The following AHDC1 variants were observed in gnomAD, a reference collection of about 807,000 sequenced individuals.
AHDC1 encodes the protein transcription factor Gibbin.
Under a neutral mutation model 87.9 loss-of-function variants are expected in AHDC1, and 7 were observed. That is an observed-to-expected ratio of 0.08 (90% CI 0.05 to 0.15). The LOEUF (loss-of-function observed/expected upper bound fraction) is 0.15. Among genes scored for constraint, AHDC1 ranks in the 10% least tolerant of loss-of-function variants. AHDC1 has a pLI of 1.00. For synonymous variants in AHDC1, 1,051 were observed against 1,006.8 expected (o/e 1.04, Z -0.83); for missense variants, 1,841 against 2,253.2 (o/e 0.82, Z 3.70).
At chr1:27,553,854 C>T (rs887775104) in intron 5 of AHDC1, among the ~76,000 whole-genome samples, 3 of 152,184 alleles carry the variant, frequency 2.0e-5, no homozygotes, top group Middle Eastern at 3.4e-3. Flanking sequence ...TCGCTTGAGT[C>T]CAGGAGTTCG....
chr1:27,567,940 G>A (rs2020395484), intron 3 of AHDC1: 1 of 152,240 alleles, frequency 6.6e-6, no homozygotes. Flanking sequence ...GCAAGTCTCC[G>A]TGCAACTCCC....
rs548839410 is a variant in AHDC1 at position 27,593,517 on chromosome 1, T to C, written c.-629+9880A>G. 6.6e-6 allele frequency among the ~76,000 whole-genome samples: 1 copy of C among 152,182 alleles called. No individual in the cohort carries two copies. Among genetic ancestry groups the C allele is most frequent in the South Asian group, 2.1e-4 (1 of 4,826 alleles). The stretch of plus-strand genomic sequence containing the variant: ...CCTCAGAACCCTAAGACCCAGGCCC[T>C]GGCCCATTCCCTCTGGCCCTTGGTG... On this transcript the variant is annotated intron_variant, in intron 3 of 8. Transcript: ENST00000673934. This position sits in a 1 kb window ranked among gnomAD's most constrained non-coding sequence, Gnocchi z 4.9.
rs756494255 is a variant in AHDC1 at position 27,551,875 on chromosome 1, C to G, written c.241G>C (p.Asp81His). The G allele has an allele frequency of 2.5e-6, 4 of 1,608,194 alleles. No individual in the cohort carries two copies. Among genetic ancestry groups the G allele is most frequent in the East Asian group, 2.2e-5 (1 of 44,754 alleles). ...GCTGCCCGTGGGGGCAGCGGGTCGTCCCCCTTGGCAAGGACTGGTGGGCGC... is the reference window on the plus strand; with the variant it reads ...GCTGCCCGTGGGGGCAGCGGGTCGTGCCCCTTGGCAAGGACTGGTGGGCGC... ...TRRPPVLAKG[D>H]DPLPPRAARP... The change falls in exon 8 of 9, where the codon GAC becomes CAC. Residue 81 changes from aspartate to histidine, a missense_variant. Transcript: ENST00000673934.
Position 27,576,515 on chromosome 1 carries a change from CCT to C in AHDC1, c.-628-17634_-628-17633del, listed in dbSNP as rs891054687. 2.0e-5 allele frequency among the ~76,000 whole-genome samples: 3 copies of C among 152,310 alleles called. No individual in the cohort carries two copies. The South Asian group carries it at 6.2e-4, about 32-fold the overall frequency. ...CTCCATAAAGTAGGTAATATTATCCCCTTTTTGTTAATGAGAAAGCTGAAGTT... is the reference window on the plus strand; with the variant it reads ...CTCCATAAAGTAGGTAATATTATCCCTTTTGTTAATGAGAAAGCTGAAGTT... On this transcript the variant is annotated intron_variant, in intron 3 of 8. Coordinates refer to ENST00000673934, the MANE Select transcript of AHDC1 (RefSeq NM_001371928.1).
chr1:27,602,583 A>G (rs1007819705), intron 3 of AHDC1, among the ~76,000 whole-genome samples: 4 of 152,096 alleles, frequency 2.6e-5, no homozygotes, highest in African/African-American at 9.7e-5. Context: ...TCAAGCAGCG[A>G]GCAGAGATTC....
chr1:27,583,530 A>G (rs2088967263), intron 3 of AHDC1, among the ~76,000 whole-genome samples: 1 of 152,142 alleles, frequency 6.6e-6, no homozygotes, highest in Non-Finnish European at 1.5e-5. Flanking sequence ...TGTTTCCTGA[A>G]GTTGAAGGCC....
At chr1:27,588,209 TG>T (rs2089117173) in intron 3 of AHDC1, among the ~76,000 whole-genome samples, 1 of 152,220 alleles carries the variant, frequency 6.6e-6, no homozygotes, top group Non-Finnish European at 1.5e-5. Flanking sequence ...TCCCACTGCC[TG>T]GAACACCCTT....
chr1:27,544,153 G>A (rs2019062225), intron 8 of AHDC1, among the ~76,000 whole-genome samples: 1 of 152,128 alleles, frequency 6.6e-6, no homozygotes, highest in African/African-American at 2.4e-5. Flanking sequence ...CAACTCTAAT[G>A]TGGGATAGGG....
At position 27,541,014 on chromosome 1, in the gene AHDC1, A is replaced by C. The variant is rs901644109; in HGVS notation, c.*44-6098T>G. Among the ~76,000 whole-genome samples, 275 of 150,086 alleles carry C rather than the reference A, an allele frequency of 1.8e-3. 3 individuals are homozygous for C. The highest frequency in any genetic ancestry group is 2.2e-3 in the Non-Finnish European group (147 of 67,522). On this transcript the variant is annotated intron_variant, in intron 8 of 8. Coordinates refer to ENST00000673934, the MANE Select transcript of AHDC1 (RefSeq NM_001371928.1). The stretch of plus-strand genomic sequence containing the variant: ...ATCTAAAAATGCTAAAAAAAAAAAA[A>C]AAAAAAAAAAAACAACAACAAAACC...
At chr1:27,567,020 G>A (rs993958640) in intron 3 of AHDC1, among the ~76,000 whole-genome samples, 20 of 152,108 alleles carry the variant, frequency 1.3e-4, no homozygotes, top group Non-Finnish European at 2.8e-4. Context: ...GATGCTGGGA[G>A]TGGAGCATGG....
chr1:27,568,283 G>A (rs570410953), intron 3 of AHDC1: 99 of 152,374 alleles, frequency 6.5e-4, no homozygotes, highest in Middle Eastern at 6.8e-3. Context: ...GTCCTAGAGG[G>A]TGCGGGTAAT....
At chr1:27,583,660 C>A (rs1186509900) in intron 3 of AHDC1, among the ~76,000 whole-genome samples, 2 of 152,124 alleles carry the variant, frequency 1.3e-5, no homozygotes, top group Non-Finnish European at 2.9e-5. Context: ...AGGTTTAAAG[C>A]TTTGTGACTA....
Position 27,558,652 on chromosome 1 carries a change from C to T in AHDC1, c.-451+54G>A. ...GACTGGGAGGCAAGTTCCCCTGATC[C>T]CCACTTCCTGGGGGTGGCCCAGGCC... On this transcript the variant is annotated intron_variant, in intron 4 of 8. Coordinates refer to ENST00000673934, the MANE Select transcript of AHDC1 (RefSeq NM_001371928.1). This position sits in a 1 kb window ranked among gnomAD's most constrained non-coding sequence, Gnocchi z 5.6. The T allele has an allele frequency of 5.0e-6, 2 of 398,356 alleles. No individual in the cohort carries two copies. The highest frequency in any genetic ancestry group is 8.8e-6 in the Non-Finnish European group (2 of 226,018). The allele number at this position is 398,356 out of a possible 1,614,324, so 24.7% of individuals were successfully genotyped here. A position where few individuals can be genotyped will look rare whatever the true frequency, so the allele number is the denominator to read the frequency against.
At position 27,548,140 on chromosome 1, in the gene AHDC1, G is replaced by C; in HGVS notation, c.3976C>G (p.Leu1326Val). The C allele has an allele frequency of 6.2e-7, 1 of 1,613,912 alleles. No homozygotes were observed. The highest frequency in any genetic ancestry group is 8.5e-7 in the Non-Finnish European group (1 of 1,180,048). Residue 1326 changes from leucine to valine, a missense_variant, in exon 8 of 9, where the codon CTG (leucine) becomes GTG (valine). Physicochemically the swap from Leu to Val is conservative, Grantham distance 32. Transcript: ENST00000673934. ...CCGAAGGCCCTCGACTGTGAGGGCAGTGGTGACATGCTGCTGTCCCCGCTA... is the reference window on the plus strand; with the variant it reads ...CCGAAGGCCCTCGACTGTGAGGGCACTGGTGACATGCTGCTGTCCCCGCTA... ...YYSGDSSMSP[L>V]PSQSRAFGVG...
At chr1:27,567,651 T>C (rs1488253413) in intron 3 of AHDC1, among the ~76,000 whole-genome samples, 1 of 152,128 alleles carries the variant, frequency 6.6e-6, no homozygotes, top group Non-Finnish European at 1.5e-5. Context: ...ACCCTCCTCT[T>C]TGCTCAACTT....
chr1:27,538,660 G>A (rs776694116), intron 8 of AHDC1, among the ~76,000 whole-genome samples: 3 of 151,674 alleles, frequency 2.0e-5, no homozygotes, highest in Middle Eastern at 3.2e-3. Flanking sequence ...TACTACAGGC[G>A]CACATCACCA....
chr1:27,542,218 G>A (rs2018957176), intron 8 of AHDC1, among the ~76,000 whole-genome samples: 1 of 152,236 alleles, frequency 6.6e-6, no homozygotes. Flanking sequence ...CAGTGGGGGA[G>A]AGGACTGGTG....
intron 8 of AHDC1, among the ~76,000 whole-genome samples, chr1:27,537,390 A>G (rs1378188487): frequency 2.6e-5 from 4 of 152,212 alleles, no homozygotes; most frequent in Non-Finnish European, 5.9e-5. Context: ...TGTGCCACGG[A>G]AGGTCCTGGG....
chr1:27,573,683 A>C (rs1441240209), intron 3 of AHDC1, among the ~76,000 whole-genome samples: 4 of 152,134 alleles, frequency 2.6e-5, no homozygotes, highest in Non-Finnish European at 5.9e-5. Context: ...AAGGCAAGGG[A>C]AGGTTACAAA....
Sources: allele counts gnomAD v4.1 joint callset (sites outside exome capture counted in the v4.1 genomes callset), GRCh38; gene constraint gnomAD v4.1.1; non-coding constraint Gnocchi (gnomAD v3.1); transcripts MANE v1.5; gene names NCBI Gene and HGNC (gene_info 2026-07-23, HGNC 2026-07-21).